The following ERI1 variants were observed in gnomAD, a reference collection of about 807,000 sequenced individuals.
The protein encoded by ERI1 is exoribonuclease 1.
A neutral mutation model predicts 39.7 loss-of-function variants in ERI1; 39 were observed. The observed-to-expected ratio is 0.98, with a 90% CI of 0.76 to 1.28. The LOEUF is 1.28. Ranked by LOEUF, ERI1 falls within the 50% of genes most tolerant of loss-of-function variation. The pLI, the probability that ERI1 is intolerant of heterozygous loss-of-function variation, is 0.00. For missense variants in ERI1, 581 were observed against 416.9 expected, an observed-to-expected ratio of 1.39 and a Z score of -3.43; for synonymous variants, 204 against 149.6, an observed-to-expected ratio of 1.36 and a Z score of -2.65.
chr8:9,082,313 TC>T (rs1799395671), intron 3 of ERI1, among the ~76,000 whole-genome samples: 1 of 152,228 alleles, frequency 6.6e-6, no homozygotes, highest in Non-Finnish European at 1.5e-5. Context: ...TTTTATCACT[TC>T]CTTCCTCTGG....
chr8:9,077,630 C>G lies in ERI1; in HGVS notation n.300-38718C>G, dbSNP rs1415179118. Among the ~76,000 whole-genome samples the G allele has an allele frequency of 2.6e-5, 4 of 152,182 alleles. No homozygotes were observed. In the East Asian group the frequency reaches 7.7e-4, roughly 29 times the overall value. On this transcript the variant is annotated intron_variant and non_coding_transcript_variant, in intron 3 of 3. Coordinates refer to the ERI1 transcript ENST00000518663. ...TGCTTATAATGCAGAGAAAGTGTCT[C>G]AGGCAGCAGACCTCAGAGGAATACA...
chr8:9,087,210 C>T (rs116162852), intron 3 of ERI1, among the ~76,000 whole-genome samples: 2 of 151,442 alleles, frequency 1.3e-5, no homozygotes, highest in African/African-American at 2.4e-5. Context: ...TGCCCCCCAC[C>T]TTCATCTTAT....
Position 9,008,061 on chromosome 8 carries a change from A to C in ERI1, c.200A>C (p.Lys67Thr). ...SASDFSDPVY[K>T]EIAITNGCIN... ...AGTGACTTCAGTGACCCGGTTTACA[A>C]AGAGATTGCCATTACGAATGGCTGT... The change falls in exon 2 of 7, where the codon AAA becomes ACA. Residue 67 changes from lysine (K) to threonine (T), a missense_variant. Physicochemically the swap from Lys to Thr is moderately conservative, Grantham distance 78 (BLOSUM62 -1). Coordinates refer to ENST00000250263, the MANE Select transcript of ERI1 (RefSeq NM_153332.4). 1.9e-6 allele frequency: 3 copies of C among 1,612,852 alleles called. No homozygotes were observed. Among genetic ancestry groups the C allele is most frequent in the Non-Finnish European group, 2.5e-6 (3 of 1,179,616 alleles).
chr8:9,026,636 A>T (rs1797182383), intron 6 of ERI1, among the ~76,000 whole-genome samples: 2 of 152,344 alleles, frequency 1.3e-5, no homozygotes, highest in East Asian at 3.9e-4. Flanking sequence ...AAAATTCAAT[A>T]TCTGAAATGC....
rs141705145 is a variant in ERI1, at chr8:9,015,780, A to G, written c.499-542A>G. Among the ~76,000 whole-genome samples the G allele has an allele frequency of 7.5e-3, 1,139 of 151,104 alleles. 14 individuals are homozygous for G. Among genetic ancestry groups the G allele is most frequent in the African/African-American group, 0.027 (1,097 of 41,154 alleles). On this transcript the variant is annotated intron_variant, in intron 3 of 6. Transcript: ENST00000250263. ...AAGCTTCTTGAAAAGATTCAACATT[A>G]CTGTAGATACACAGTGTTAGCAACT... is the stretch of plus-strand genomic sequence containing the variant.
chr8:9,081,542 T>C (rs1385236039), intron 3 of ERI1, among the ~76,000 whole-genome samples: 2 of 152,192 alleles, frequency 1.3e-5, no homozygotes, highest in Admixed American at 1.3e-4. Flanking sequence ...TCCCCTGATA[T>C]GTTCCCTGGG....
intron 3 of ERI1, among the ~76,000 whole-genome samples, chr8:9,015,774 A>AACATTACTAT (rs1817200149): frequency 1.3e-5 from 2 of 151,160 alleles, no homozygotes; most frequent in African/African-American, 4.9e-5. Context: ...GAAAAGATTC[A>AACATTACTAT]ACATTACTGT....
intron 3 of ERI1, among the ~76,000 whole-genome samples, chr8:9,066,127 C>G (rs1212240447): frequency 1.3e-5 from 2 of 152,322 alleles, no homozygotes; most frequent in African/African-American, 4.8e-5. Context: ...TCATTCATCT[C>G]CACCCTCTTC....
At chr8:9,071,699 A>G (rs1799056705) in intron 3 of ERI1, among the ~76,000 whole-genome samples, 2 of 152,214 alleles carry the variant, frequency 1.3e-5, no homozygotes, top group Admixed American at 1.3e-4. Context: ...AAAGAGTTCA[A>G]ACTGTAGCAC....
intron 3 of ERI1, among the ~76,000 whole-genome samples, chr8:9,015,658 C>T (rs373849161): frequency 7.4e-6 from 1 of 135,014 alleles, no homozygotes; most frequent in Non-Finnish European, 1.5e-5. Context: ...GGAGGCGGAG[C>T]TTGCAGTGAG....
At chr8:9,012,158 A>G (rs1182274636) in intron 3 of ERI1, among the ~76,000 whole-genome samples, 1 of 152,210 alleles carries the variant, frequency 6.6e-6, no homozygotes, top group East Asian at 1.9e-4. Context: ...ATATGCGGTC[A>G]GGCTTGATAA....
chr8:9,049,604 A>C (rs1585260870), intron 3 of ERI1, among the ~76,000 whole-genome samples: 1 of 152,132 alleles, frequency 6.6e-6, no homozygotes, highest in South Asian at 2.1e-4. Context: ...AGTGAGTCCC[A>C]ATAAATACTT....
intron 3 of ERI1, among the ~76,000 whole-genome samples, chr8:9,057,226 C>G (rs766255230): frequency 6.6e-6 from 1 of 152,038 alleles, no homozygotes; most frequent in Non-Finnish European, 1.5e-5. Flanking sequence ...CTCACTGCAG[C>G]CTTGACCTCC....
intron 6 of ERI1, 92 bp downstream of exon 6, chr8:9,020,556 T>C: frequency 1.3e-6 from 1 of 790,496 alleles, no homozygotes; most frequent in Non-Finnish European, 1.9e-6. Flanking sequence ...CCAGGTGTTT[T>C]TCATGGAAAA....
At chr8:9,050,286 T>A (rs1327893100) in intron 3 of ERI1, among the ~76,000 whole-genome samples, 3 of 152,068 alleles carry the variant, frequency 2.0e-5, no homozygotes, top group Admixed American at 2.0e-4. Flanking sequence ...GGCTGGTGGA[T>A]CACTTGAGGT....
At position 9,065,331 on chromosome 8, in the gene ERI1, C is replaced by G. The variant is rs1016704472; in HGVS notation, n.299+44867C>G. On this transcript the variant is annotated intron_variant and non_coding_transcript_variant, in intron 3 of 3. Transcript: ENST00000518663. ...TGAGGTGATGATGAACTTGGTCACA[C>G]CACAAGTAAAGTCAGAAGTAAGGCA... 3.9e-5 allele frequency among the ~76,000 whole-genome samples: 6 copies of G among 152,088 alleles called. No homozygotes were observed. In the East Asian group the frequency reaches 1.2e-3, roughly 29 times the overall value.
intron 6 of ERI1, among the ~76,000 whole-genome samples, chr8:9,021,774 GTTTTTTTT>G (rs200507835): frequency 0.022 from 1,985 of 88,342 alleles, 29 homozygotes; most frequent in Non-Finnish European, 0.03. Context: ...TGTTTTTTTT[GTTTTTTTT>G]TTTTTTTCAA....
intron 2 of ERI1, among the ~76,000 whole-genome samples, chr8:9,008,556 C>A (rs1256179792): frequency 6.6e-6 from 1 of 152,060 alleles, no homozygotes; most frequent in African/African-American, 2.4e-5. Context: ...TAAAAACATT[C>A]ACTTAACAGG....
chr8:9,031,042 G>A lies in ERI1; in HGVS notation c.*1008G>A, dbSNP rs774346191. 3 of 152,112 alleles carry A rather than the reference G, an allele frequency of 2.0e-5. No individual in the cohort carries two copies. The highest frequency in any genetic ancestry group is 2.9e-5 in the Non-Finnish European group (2 of 68,004). 9.4% of individuals were successfully genotyped at this position (152,112 alleles called of 1,614,324 possible). On this transcript the variant is annotated 3_prime_UTR_variant, in exon 7 of 7. Coordinates refer to ENST00000250263, the MANE Select transcript of ERI1 (RefSeq NM_153332.4). ...CTTAACTAATTCTAAAAACTAAAATGTGCATTTCGACTTGATAAGGTAAAA... is the reference window on the plus strand; with the variant it reads ...CTTAACTAATTCTAAAAACTAAAATATGCATTTCGACTTGATAAGGTAAAA...
Sources: allele counts gnomAD v4.1 joint callset (sites outside exome capture counted in the v4.1 genomes callset), GRCh38; gene constraint gnomAD v4.1.1; transcripts MANE v1.5; gene names NCBI Gene and HGNC (gene_info 2026-07-23, HGNC 2026-07-21).